Variants in GRID2 observed in about 807,000 individuals in gnomAD.
The protein encoded by GRID2 is glutamate receptor ionotropic, delta-2.
GRID2 carries 33 observed loss-of-function variants against 114.8 expected under a neutral mutation model. That is an observed-to-expected ratio of 0.29 (90% CI 0.22 to 0.38). The LOEUF (loss-of-function observed/expected upper bound fraction) is 0.38. Ranked by LOEUF, GRID2 falls within the 10% of genes least tolerant of loss-of-function variation. GRID2 has a pLI of 1.00. For missense variants in GRID2, 1,184 were observed against 1,257.7 expected (o/e 0.94, Z 0.89); for synonymous variants, 505 against 449.9 (o/e 1.12, Z -1.55).
chr4:93,226,320 T>C (rs547065571), intron 7 of GRID2, among the ~76,000 whole-genome samples: 2 of 152,156 alleles, frequency 1.3e-5, no homozygotes, highest in East Asian at 3.9e-4. Flanking sequence ...AAACTATGAA[T>C]TCAAAACTGA....
intron 2 of GRID2, among the ~76,000 whole-genome samples, chr4:92,838,601 A>G (rs1287080214): frequency 6.6e-6 from 1 of 152,140 alleles, no homozygotes; most frequent in African/African-American, 2.4e-5. Flanking sequence ...AAAAGGCTGA[A>G]CAAGCTTGCA....
chr4:93,578,797 G>C (rs1736686543), intron 13 of GRID2, among the ~76,000 whole-genome samples: 11 of 152,072 alleles, frequency 7.2e-5, no homozygotes. Flanking sequence ...GTTTCACCAT[G>C]TTAGTCAGGT....
chr4:93,321,932 T>A (rs1206943570), intron 8 of GRID2, among the ~76,000 whole-genome samples: 1 of 151,942 alleles, frequency 6.6e-6, no homozygotes, highest in South Asian at 2.1e-4. Context: ...TTTACTTAAA[T>A]ATTATTTTTA....
intron 1 of GRID2, among the ~76,000 whole-genome samples, chr4:92,579,724 CT>C (rs1421556406): frequency 1.3e-5 from 2 of 151,480 alleles, no homozygotes; most frequent in Admixed American, 6.6e-5. Context: ...AACATTATTT[CT>C]TTTTTCTTAG....
intron 2 of GRID2, among the ~76,000 whole-genome samples, chr4:93,076,774 T>C (rs965867611): frequency 6.6e-6 from 1 of 151,844 alleles, no homozygotes; most frequent in Non-Finnish European, 1.5e-5. Flanking sequence ...GGAGCTACCA[T>C]TCCCGGCTAA....
intron 14 of GRID2, among the ~76,000 whole-genome samples, chr4:93,739,302 G>A (rs1195937140): frequency 1.3e-5 from 2 of 151,978 alleles, no homozygotes; most frequent in Non-Finnish European, 2.9e-5. Flanking sequence ...TAAACAATTT[G>A]GGTCCCGCCA....
chr4:93,178,976 C>G (rs534915998), intron 4 of GRID2, among the ~76,000 whole-genome samples: 11 of 152,112 alleles, frequency 7.2e-5, no homozygotes, highest in African/African-American at 2.2e-4. Flanking sequence ...ATTTCTGGCT[C>G]TTTTATTTGG....
At chr4:92,666,711 G>A (rs1441957231) in intron 2 of GRID2, among the ~76,000 whole-genome samples, 1 of 124,996 alleles carries the variant, frequency 8.0e-6, no homozygotes, top group East Asian at 2.3e-4. Flanking sequence ...GGGCATTCCT[G>A]AAAACTTTCT....
chr4:92,928,274 A>C (rs1287671311), intron 2 of GRID2, among the ~76,000 whole-genome samples: 1 of 151,736 alleles, frequency 6.6e-6, no homozygotes, highest in African/African-American at 2.4e-5. Flanking sequence ...ACAGAGTAAA[A>C]AGTAGAGGGC....
chr4:92,858,100 T>A (rs1744294434), intron 2 of GRID2, among the ~76,000 whole-genome samples: 2 of 152,234 alleles, frequency 1.3e-5, no homozygotes, highest in Non-Finnish European at 2.9e-5. Context: ...TGTCTGCTAA[T>A]TGCCAATGCA....
At position 92,996,413 on chromosome 4, in the gene GRID2, C is replaced by T. The variant is rs548654514; in HGVS notation, c.245-88582C>T. On this transcript the variant is annotated intron_variant, in intron 2 of 15. Coordinates refer to ENST00000282020, the MANE Select transcript of GRID2 (RefSeq NM_001510.4). ...ATACATATGTTTGCCCAAGCACTCA[C>T]GTGTGTGTATATGCATGTATGTTTC... Among the ~76,000 whole-genome samples the T allele has an allele frequency of 2.0e-4, 31 of 152,260 alleles. No homozygotes were observed. In the East Asian group the frequency reaches 5.4e-3, roughly 27 times the overall value.
intron 2 of GRID2, among the ~76,000 whole-genome samples, chr4:92,782,616 A>G (rs1307366541): frequency 1.3e-5 from 2 of 152,166 alleles, no homozygotes; most frequent in Non-Finnish European, 1.5e-5. Flanking sequence ...TTTAATTACT[A>G]GGCTTTCAAA....
intron 2 of GRID2, among the ~76,000 whole-genome samples, chr4:93,017,265 A>AT (rs1342054345): frequency 3.9e-5 from 6 of 152,114 alleles, no homozygotes; most frequent in Non-Finnish European, 7.4e-5. Flanking sequence ...AGGTTAAATA[A>AT]TTTTTTTCCT....
chr4:93,594,638 C>T (rs1307931309), intron 13 of GRID2, among the ~76,000 whole-genome samples: 7 of 152,092 alleles, frequency 4.6e-5, no homozygotes, highest in African/African-American at 9.7e-5. Context: ...CAATGGCGGG[C>T]GCCCCTCCCC....
intron 13 of GRID2, among the ~76,000 whole-genome samples, chr4:93,528,419 T>A (rs1731134358): frequency 6.6e-6 from 1 of 152,078 alleles, no homozygotes; most frequent in Non-Finnish European, 1.5e-5. Flanking sequence ...GTTCCATTTT[T>A]TTTTTTTTTT....
At chr4:92,434,296 G>T (rs775700573) in intron 1 of GRID2, among the ~76,000 whole-genome samples, 10 of 152,304 alleles carry the variant, frequency 6.6e-5, no homozygotes, top group Non-Finnish European at 1.3e-4. Context: ...AATTTTATAA[G>T]TTTGTAGAGT....
chr4:92,912,582 C>CA (rs1022535182), intron 2 of GRID2, among the ~76,000 whole-genome samples: 1 of 151,572 alleles, frequency 6.6e-6, no homozygotes, highest in East Asian at 1.9e-4. Flanking sequence ...TACAAATCAG[C>CA]AAAAAACACT....
At chr4:92,500,120 C>G (rs1467534803) in intron 1 of GRID2, among the ~76,000 whole-genome samples, 1 of 151,926 alleles carries the variant, frequency 6.6e-6, no homozygotes, top group Admixed American at 6.6e-5. Context: ...AAGGTTTTTT[C>G]TTTGTAAGTC....
chr4:93,751,293 A>G (rs779310770), intron 14 of GRID2, among the ~76,000 whole-genome samples: 3 of 152,154 alleles, frequency 2.0e-5, no homozygotes, highest in East Asian at 1.9e-4. Flanking sequence ...AGATCTATCC[A>G]TTTGCTCTTT....
Sources: gnomAD v4.1 joint callset for allele counts (sites outside exome capture counted in the v4.1 genomes callset) on GRCh38, gnomAD v4.1.1 for gene constraint, MANE v1.5 for transcripts, NCBI Gene and HGNC (gene_info 2026-07-23, HGNC 2026-07-21) for gene names.